PLAAT5: variants seen among roughly 807,000 people sequenced by gnomAD.
PLAAT5 encodes phospholipase A and acyltransferase 5.
In PLAAT5, 27 loss-of-function variants were observed where a neutral mutation model predicts 27.8. That is an observed-to-expected ratio of 0.97 (90% CI 0.72 to 1.34). The LOEUF is 1.34. PLAAT5 is among the 40% of genes most tolerant of loss of function. PLAAT5 has a pLI of 0.00. For synonymous variants in PLAAT5, 125 were observed against 136.1 expected (o/e 0.92, Z 0.57); for missense variants, 368 against 343.8 (o/e 1.07, Z -0.56).
chr11:63,475,207 CTGTCTAGT>C (rs55715110), intron 3 of PLAAT5, among the ~76,000 whole-genome samples: 17,638 of 151,918 alleles, frequency 0.12, 2,235 homozygotes, highest in African/African-American at 0.32. Flanking sequence ...CACTGATTTT[CTGTCTAGT>C]TGTTCTATCC....
In PLAAT5 at chr11:63,486,757, G is replaced by A. The variant is rs138494386; in HGVS notation, c.345+2114C>T. ...GCACTAAAATCTCAGAAATCACCAC[G>A]AAGGAACTTTTGCATGCAACCAAAC... On this transcript the variant is annotated intron_variant, in intron 3 of 5. Coordinates refer to ENST00000540857, the MANE Select transcript of PLAAT5 (RefSeq NM_001146729.2). 5.0e-4 allele frequency among the ~76,000 whole-genome samples: 76 copies of A among 152,224 alleles called. 2 individuals are homozygous for A. The East Asian group carries it at 0.014, about 27-fold the overall frequency.
Position 63,463,542 on chromosome 11 carries a change from A to G in PLAAT5, c.771T>C (p.Ala257=). ...GAKAAGAVIS[A]VVDSIKPKPI... is the part of the protein sequence containing the mutation. ...GTTTGGGCTTTATGCTATCCACTAC[A>G]GCTGAAATAACTGCTCCAGCAGCCT... The change falls in exon 6 of 6, where the codon GCT becomes GCC. Residue 257 remains alanine, a synonymous_variant. Transcript: ENST00000540857. 1 of 1,613,902 alleles carries G rather than the reference A, an allele frequency of 6.2e-7. No individual in the cohort carries two copies. Among genetic ancestry groups the G allele is most frequent in the Non-Finnish European group, 8.5e-7 (1 of 1,179,992 alleles).
At position 63,466,238 on chromosome 11, in the gene PLAAT5, A is replaced by C. The variant is rs2275999; in HGVS notation, c.589T>G (p.Leu197Val). 2 of 1,613,906 alleles carry C rather than the reference A, an allele frequency of 1.2e-6. No individual in the cohort carries two copies. The highest frequency in any genetic ancestry group is 1.7e-6 in the Non-Finnish European group (2 of 1,180,040). The change falls in exon 5 of 6, where the codon TTG becomes GTG. Residue 197 changes from leucine to valine, a missense_variant. Leu to Val is a conservative substitution (Grantham distance 32). Coordinates refer to ENST00000540857, the MANE Select transcript of PLAAT5 (RefSeq NM_001146729.2). ...CGCTGGATGATCTTGTCCACCGGCA[A>C]GGGCAGGTACGTCCCATCTAGCTTG... ...NNKLDGTYLP[L>V]PVDKIIQRTK...
At chr11:63,480,414 T>A (rs1342885896) in intron 3 of PLAAT5, among the ~76,000 whole-genome samples, 1 of 152,206 alleles carries the variant, frequency 6.6e-6, no homozygotes, top group African/African-American at 2.4e-5. Flanking sequence ...GGAGGGAATT[T>A]TGGAATTTTA....
At chr11:63,480,002 A>G (rs1184745467) in intron 3 of PLAAT5, among the ~76,000 whole-genome samples, 1 of 152,206 alleles carries the variant, frequency 6.6e-6, no homozygotes, top group Non-Finnish European at 1.5e-5. Flanking sequence ...CCAATACCTT[A>G]GAGTCCTAAC....
At chr11:63,474,682 T>A (rs2016111762) in intron 3 of PLAAT5, among the ~76,000 whole-genome samples, 1 of 152,030 alleles carries the variant, frequency 6.6e-6, no homozygotes, top group African/African-American at 2.4e-5. Flanking sequence ...CCAGTTGTTA[T>A]CATTTTCTTA....
intron 3 of PLAAT5, among the ~76,000 whole-genome samples, chr11:63,483,828 TATATATATATATATACACATATATATATA>T (rs1565215368): frequency 8.9e-6 from 1 of 112,720 alleles, no homozygotes; most frequent in Non-Finnish European, 1.9e-5. Context: ...TATATATATA[TATATATATATATATACACATATATATATA>T]TGAAACAAAA....
At position 63,473,460 on chromosome 11, in the gene PLAAT5, C is replaced by T. The variant is rs189978276; in HGVS notation, c.346-4995G>A. Reference sequence around the variant, plus strand: ...TCTTGCAATATTCGTTTTATTCTGACGGTCTAGAACCAAACCCACAATATG... The same window carrying T: ...TCTTGCAATATTCGTTTTATTCTGATGGTCTAGAACCAAACCCACAATATG... On this transcript the variant is annotated intron_variant, in intron 3 of 5. Coordinates refer to ENST00000540857, the MANE Select transcript of PLAAT5 (RefSeq NM_001146729.2). Among the ~76,000 whole-genome samples the T allele has an allele frequency of 2.1e-3, 327 of 152,242 alleles. 1 individual carries two copies. Among genetic ancestry groups the T allele is most frequent in the African/African-American group, 7.1e-3 (295 of 41,542 alleles).
intron 3 of PLAAT5, among the ~76,000 whole-genome samples, chr11:63,468,871 G>A (rs1185945103): frequency 6.6e-6 from 1 of 152,094 alleles, no homozygotes; most frequent in Non-Finnish European, 1.5e-5. Context: ...TGGCTGGGGT[G>A]GGCAGGATGA....
In PLAAT5 at chr11:63,463,375, T is replaced by C; in HGVS notation, c.*128A>G. The C allele has an allele frequency of 2.7e-6, 2 of 731,270 alleles. No homozygotes were observed. The highest frequency in any genetic ancestry group is 1.6e-5 in the South Asian group (1 of 64,410). The allele number at this position is 731,270 out of a possible 1,614,324, so 45.3% of individuals were successfully genotyped here. A position where few individuals can be genotyped will look rare whatever the true frequency, so the allele number is the denominator to read the frequency against. ...ATGTATTTCTGGAAGGGTAATTGGA[T>C]ACATTGTAGATTCTTCCAGAAGTTC... On this transcript the variant is annotated 3_prime_UTR_variant, in exon 6 of 6. Transcript: ENST00000540857.
intron 3 of PLAAT5, among the ~76,000 whole-genome samples, chr11:63,479,405 TAAGA>T (rs1411665513): frequency 6.6e-6 from 1 of 152,244 alleles, no homozygotes; most frequent in African/African-American, 2.4e-5. Context: ...AAAATGTTCA[TAAGA>T]AAGTCTGAAG....
chr11:63,469,462 G>A (rs1006803927), intron 3 of PLAAT5: 12 of 241,578 alleles, frequency 5.0e-5, no homozygotes, highest in African/African-American at 1.8e-4. Context: ...AGATGGTAGC[G>A]AAACACCCAG....
Position 63,491,069 on chromosome 11 carries a change from G to C in PLAAT5, c.-35C>G. 5 of 1,407,096 alleles carry C rather than the reference G, an allele frequency of 3.6e-6. No individual in the cohort carries two copies. The highest frequency in any genetic ancestry group is 4.6e-6 in the Non-Finnish European group (5 of 1,082,712). 87.2% of individuals were successfully genotyped at this position (1,407,096 alleles called of 1,614,324 possible). A position where few individuals can be genotyped will look rare whatever the true frequency, so the allele number is the denominator to read the frequency against. ...GCGGCCTCGCCGGCCCCCAGGCCTT[G>C]CAGGGGACTACGCCCCTGGCGAGTT... On this transcript the variant is annotated 5_prime_UTR_variant, in exon 1 of 6. Transcript: ENST00000540857.
chr11:63,463,123 G>A lies in PLAAT5; in HGVS notation c.*380C>T, dbSNP rs550572407. On this transcript the variant is annotated 3_prime_UTR_variant, in exon 6 of 6. Transcript: ENST00000540857. Reference sequence around the variant, plus strand: ...AGAACATCTGGAAAAAGACATCTTCGTTACTGGAAATATTCAAGCAGAGGT... The same window carrying A: ...AGAACATCTGGAAAAAGACATCTTCATTACTGGAAATATTCAAGCAGAGGT... The A allele has an allele frequency of 2.1e-4, 39 of 181,568 alleles. 2 individuals are homozygous for A. In the South Asian group the frequency reaches 5.6e-3, roughly 26 times the overall value. 11.2% of individuals were successfully genotyped at this position (181,568 alleles called of 1,614,324 possible). A position where few individuals can be genotyped will look rare whatever the true frequency, so the allele number is the denominator to read the frequency against.
chr11:63,466,109 C>A lies in PLAAT5; in HGVS notation c.717+1G>T. The A allele has an allele frequency of 6.2e-7, 1 of 1,613,190 alleles. No homozygotes were observed. Among genetic ancestry groups the A allele is most frequent in the Non-Finnish European group, 8.5e-7 (1 of 1,179,612 alleles). On this transcript the variant is annotated splice_donor_variant, in intron 5 of 5. Coordinates refer to ENST00000540857, the MANE Select transcript of PLAAT5 (RefSeq NM_001146729.2). LOFTEE classifies it high-confidence loss of function. ...CATCATCAGAGCAAATGGGGTCACA[C>A]CTGCTGGCTCCGGGGTACGCCATAT... is the stretch of plus-strand genomic sequence containing the variant.
intron 5 of PLAAT5, 111 bp downstream of exon 5, chr11:63,465,999 G>C (rs1337336154): frequency 1.8e-6 from 2 of 1,119,832 alleles, no homozygotes; most frequent in African/African-American, 1.6e-5. Context: ...GGCCCTACTA[G>C]TATAACGAAT....
chr11:63,471,576 G>A (rs1042198151), intron 3 of PLAAT5, among the ~76,000 whole-genome samples: 29 of 152,124 alleles, frequency 1.9e-4, no homozygotes, highest in Middle Eastern at 3.2e-3. Context: ...TGTAAGGTGC[G>A]CAATGAAAAT....
Position 63,463,258 on chromosome 11 carries a change from C to G in PLAAT5, c.*245G>C. ...TGAAATTAGATCCGTATATGAAATG[C>G]CTAGCACAGTGCCTGGCGCATAAGA... On this transcript the variant is annotated 3_prime_UTR_variant, in exon 6 of 6. Transcript: ENST00000540857. The G allele has an allele frequency of 1.9e-6, 1 of 532,072 alleles. No individual in the cohort carries two copies. The highest frequency in any genetic ancestry group is 2.6e-5 in the South Asian group (1 of 38,410). The allele number at this position is 532,072 out of a possible 1,614,324, so 33.0% of individuals were successfully genotyped here.
rs543791946 is a variant in PLAAT5, at chr11:63,488,892, C to T, written c.324G>A (p.Lys108=). 35 of 1,613,344 alleles carry T rather than the reference C, an allele frequency of 2.2e-5. No homozygotes were observed. The South Asian group carries it at 3.5e-4, about 16-fold the overall frequency. ...SSIPKPENEG[K]LIKQAAEGKP... ...CTACCTCAGCTGCTTGCTTTATTAACTTGCCTTCATTCTCAGGCTTTGGAA... is the reference window on the plus strand; with the variant it reads ...CTACCTCAGCTGCTTGCTTTATTAATTTGCCTTCATTCTCAGGCTTTGGAA... Residue 108 remains lysine, a synonymous_variant, in exon 3 of 6, where the codon AAG becomes AAA. Coordinates refer to ENST00000540857, the MANE Select transcript of PLAAT5 (RefSeq NM_001146729.2).
Sources: allele counts gnomAD v4.1 joint callset (sites outside exome capture counted in the v4.1 genomes callset), GRCh38; gene constraint gnomAD v4.1.1; transcripts MANE v1.5; gene names NCBI Gene and HGNC (gene_info 2026-07-23, HGNC 2026-07-21).